CDH9: variants seen among roughly 807,000 people sequenced by gnomAD.
CDH9 encodes cadherin 9.
In CDH9, 28 loss-of-function variants were observed where a neutral mutation model predicts 70.9. That is an observed-to-expected ratio of 0.40 (90% CI 0.29 to 0.54). The LOEUF (loss-of-function observed/expected upper bound fraction) is 0.54. Ranked by LOEUF, CDH9 falls within the 20% of genes least tolerant of loss-of-function variation. CDH9 has a pLI of 0.59. For missense variants in CDH9, 874 were observed against 984.4 expected (o/e 0.89, Z 1.50); for synonymous variants, 409 against 343.1 (o/e 1.19, Z -2.12).
At position 26,890,187 on chromosome 5, in the gene CDH9, A is replaced by G. The variant is rs573882831; in HGVS notation, c.1391-230T>C. ...TTGTAATAGATAATTTTCTTAGATTATTTTTATGAGGTTAAATTATATTTC... is the reference window on the plus strand; with the variant it reads ...TTGTAATAGATAATTTTCTTAGATTGTTTTTATGAGGTTAAATTATATTTC... On this transcript the variant is annotated intron_variant, in intron 8 of 11. Transcript: ENST00000231021. 1.9e-3 allele frequency among the ~76,000 whole-genome samples: 296 copies of G among 152,346 alleles called. 3 individuals carry two copies. Among genetic ancestry groups the G allele is most frequent in the Non-Finnish European group, 3.3e-3 (223 of 68,030 alleles).
At chr5:27,029,244 AT>A (rs1743271532) in intron 1 of CDH9, among the ~76,000 whole-genome samples, 1 of 152,030 alleles carries the variant, frequency 6.6e-6, no homozygotes, top group African/African-American at 2.4e-5. Context: ...ATTGGTTTCA[AT>A]TTTAGAGGCA....
chr5:26,944,446 T>G (rs10050598), intron 2 of CDH9, among the ~76,000 whole-genome samples: 1 of 151,298 alleles, frequency 6.6e-6, no homozygotes, highest in Non-Finnish European at 1.5e-5. Flanking sequence ...AGTCCAGGAG[T>G]TTCAGATCAG....
intron 9 of CDH9, among the ~76,000 whole-genome samples, chr5:26,888,518 C>T (rs1040723508): frequency 6.6e-6 from 1 of 152,038 alleles, no homozygotes; most frequent in Non-Finnish European, 1.5e-5. Flanking sequence ...AACTGAGATG[C>T]CCATTATATG....
At chr5:26,887,826 A>G (rs1186033483) in intron 9 of CDH9, among the ~76,000 whole-genome samples, 1 of 152,094 alleles carries the variant, frequency 6.6e-6, no homozygotes, top group Non-Finnish European at 1.5e-5. Flanking sequence ...GGAGACAGAG[A>G]TTGGAGTAAT....
intron 2 of CDH9, among the ~76,000 whole-genome samples, chr5:26,974,113 G>A (rs1367060170): frequency 6.6e-6 from 1 of 151,972 alleles, no homozygotes; most frequent in Non-Finnish European, 1.5e-5. Flanking sequence ...GCATGATAGT[G>A]GGTGCCTGTA....
At chr5:26,913,977 G>A (rs1741100039) in intron 3 of CDH9, among the ~76,000 whole-genome samples, 3 of 151,924 alleles carry the variant, frequency 2.0e-5, no homozygotes, top group South Asian at 2.1e-4. Flanking sequence ...GGTTATGTGC[G>A]ATTAAATATC....
intron 2 of CDH9, among the ~76,000 whole-genome samples, chr5:26,979,793 G>A (rs1003220361): frequency 1.3e-5 from 2 of 151,724 alleles, no homozygotes; most frequent in African/African-American, 2.4e-5. Flanking sequence ...ATTATCACAG[G>A]TAAAGGTTGG....
chr5:26,906,825 T>C lies in CDH9; in HGVS notation c.537A>G (p.Ile179Met), dbSNP rs1305478695. 9 of 1,611,148 alleles carry C rather than the reference T, an allele frequency of 5.6e-6. No individual in the cohort carries two copies. The highest frequency in any genetic ancestry group is 7.6e-6 in the Non-Finnish European group (9 of 1,178,104). The change falls in exon 4 of 12, where the codon ATA becomes ATG. Residue 179 changes from isoleucine (I) to methionine (M), a missense_variant. Physicochemically the swap from Ile to Met is conservative, Grantham distance 10. Coordinates refer to ENST00000231021, the MANE Select transcript of CDH9 (RefSeq NM_016279.4). ...CATCTGCATCTGTTGCAGTTACTTG[T>C]ATAACAGATGTACCTACATGAAACC... The part of the protein sequence containing the change: ...PEMSGVGTSV[I>M]QVTATDADDA...
At chr5:26,885,555 C>T in intron 11 of CDH9, 59 bp downstream of exon 11, 1 of 1,423,466 alleles carries the variant, frequency 7.0e-7, no homozygotes, top group Non-Finnish European at 9.9e-7. Context: ...GCACCATGCT[C>T]AGACAGTGAG....
intron 2 of CDH9, among the ~76,000 whole-genome samples, chr5:26,984,236 C>T (rs1012584290): frequency 1.2e-4 from 18 of 152,106 alleles, no homozygotes; most frequent in African/African-American, 4.3e-4. Context: ...TTAATAGTGG[C>T]TACCTATAGA....
intron 3 of CDH9, among the ~76,000 whole-genome samples, chr5:26,908,481 G>A (rs76645711): frequency 1.7e-3 from 257 of 152,070 alleles, no homozygotes; most frequent in Non-Finnish European, 2.6e-3. Context: ...CAAGTAGTTC[G>A]TTCATCAATT....
chr5:26,889,718 G>C (rs1740623240), intron 9 of CDH9, 118 bp downstream of exon 9: 1 of 587,878 alleles, frequency 1.7e-6, no homozygotes. Flanking sequence ...ATAAATGGTG[G>C]ACAAGAAGTA....
At chr5:26,986,614 C>A (rs1309530764) in intron 2 of CDH9, among the ~76,000 whole-genome samples, 1 of 152,108 alleles carries the variant, frequency 6.6e-6, no homozygotes, top group Non-Finnish European at 1.5e-5. Context: ...TTATCTGTGG[C>A]TATTCTTCTG....
chr5:26,939,057 G>A (rs1741613956), intron 2 of CDH9, among the ~76,000 whole-genome samples: 1 of 151,758 alleles, frequency 6.6e-6, no homozygotes, highest in South Asian at 2.1e-4. Flanking sequence ...TATATCTTCA[G>A]GATGTGACAT....
rs373896726 is a variant in CDH9 at position 26,957,658 on chromosome 5, C to CA, written c.228+30447dup. On this transcript the variant is annotated intron_variant, in intron 2 of 11. Transcript: ENST00000231021. ...GCCTGGGGAACAGAAGAGACGGTCT[C>CA]AAAAAAAAAAATCTTTATTTCTTGT... 8.8e-4 allele frequency among the ~76,000 whole-genome samples: 126 copies of CA among 143,814 alleles called. 1 individual carries two copies. Among genetic ancestry groups the CA allele is most frequent in the Middle Eastern group, 3.6e-3 (1 of 278 alleles). The allele number at this position is 143,814 out of a possible 152,430, so 94.3% of individuals were successfully genotyped here. A position where few individuals can be genotyped will look rare whatever the true frequency, so the allele number is the denominator to read the frequency against.
chr5:26,886,630 T>C (rs974320292), intron 9 of CDH9, among the ~76,000 whole-genome samples: 2 of 152,148 alleles, frequency 1.3e-5, no homozygotes, highest in African/African-American at 4.8e-5. Flanking sequence ...TTACTATAAT[T>C]GAACTATTTT....
intron 7 of CDH9, among the ~76,000 whole-genome samples, chr5:26,893,182 T>C (rs1175195362): frequency 6.6e-6 from 1 of 152,232 alleles, no homozygotes; most frequent in Non-Finnish European, 1.5e-5. Flanking sequence ...TAAATGGGTC[T>C]GATCATAATT....
At chr5:26,978,144 G>A (rs1282963984) in intron 2 of CDH9, among the ~76,000 whole-genome samples, 4 of 150,348 alleles carry the variant, frequency 2.7e-5, no homozygotes, top group African/African-American at 7.4e-5. Flanking sequence ...AAGCTTTCTA[G>A]AGAGTAAAAA....
intron 2 of CDH9, among the ~76,000 whole-genome samples, chr5:26,964,962 T>C (rs1018411049): frequency 2.0e-5 from 3 of 152,172 alleles, no homozygotes; most frequent in Admixed American, 6.5e-5. Context: ...CATCTGGAAT[T>C]ATTTTTCCCT....
Sources: allele counts gnomAD v4.1 joint callset (sites outside exome capture counted in the v4.1 genomes callset), GRCh38; gene constraint gnomAD v4.1.1; transcripts MANE v1.5; gene names NCBI Gene and HGNC (gene_info 2026-07-23, HGNC 2026-07-21).